The following CGAS variants were observed in gnomAD, a reference collection of about 807,000 sequenced individuals.
CGAS encodes 2'3'-cGAMP synthase.
In CGAS, 31 loss-of-function variants were observed where a neutral mutation model predicts 34.0. That is an observed-to-expected ratio of 0.91 (90% CI 0.69 to 1.23). CGAS has a LOEUF of 1.23. Among genes scored for constraint, CGAS ranks in the 50% most tolerant of loss-of-function variants. The pLI is 0.00. For synonymous variants in CGAS, 266 were observed against 260.0 expected (o/e 1.02, Z -0.22); for missense variants, 597 against 657.6 (o/e 0.91, Z 1.01).
rs1444930024 is a variant in CGAS at position 73,452,233 on chromosome 6, C to T, written c.-52G>A. The T allele has an allele frequency of 1.3e-6, 2 of 1,533,842 alleles. No individual in the cohort carries two copies. The highest frequency in any genetic ancestry group is 1.4e-5 in the African/African-American group (1 of 71,202). On this transcript the variant is annotated 5_prime_UTR_variant, in exon 1 of 5. Coordinates refer to ENST00000370315, the MANE Select transcript of CGAS (RefSeq NM_138441.3). ...AAGAATCCGTTTCAGGAAAAGGCCG[C>T]AAGAGGAAGAGCCAGCAGCAGCTGT...
chr6:73,452,243 A>G lies in CGAS; in HGVS notation c.-62T>C. 6.7e-7 allele frequency: 1 copy of G among 1,498,432 alleles called. No homozygotes were observed. The highest frequency in any genetic ancestry group is 8.9e-7 in the Non-Finnish European group (1 of 1,122,162). The allele number at this position is 1,498,432 out of a possible 1,614,324, so 92.8% of individuals were successfully genotyped here. ...TTCAGGAAAAGGCCGCAAGAGGAAGAGCCAGCAGCAGCTGTTGGAAACCAA... is the reference window on the plus strand; with the variant it reads ...TTCAGGAAAAGGCCGCAAGAGGAAGGGCCAGCAGCAGCTGTTGGAAACCAA... On this transcript the variant is annotated 5_prime_UTR_variant, in exon 1 of 5. Transcript: ENST00000370315.
At chr6:73,444,106 C>T (rs1341086791) in intron 2 of CGAS, among the ~76,000 whole-genome samples, 3 of 152,138 alleles carry the variant, frequency 2.0e-5, no homozygotes, top group Non-Finnish European at 4.4e-5. Flanking sequence ...TCTCCTGCCT[C>T]AGCCTCCCGA....
At chr6:73,439,010 T>C (rs1250751430) in intron 3 of CGAS, among the ~76,000 whole-genome samples, 1 of 152,182 alleles carries the variant, frequency 6.6e-6, no homozygotes, top group Non-Finnish European at 1.5e-5. Context: ...GATTCCTCTA[T>C]GTATGCAATA....
At chr6:73,443,405 GT>G (rs1367987819) in intron 2 of CGAS, among the ~76,000 whole-genome samples, 1 of 151,258 alleles carries the variant, frequency 6.6e-6, no homozygotes, top group South Asian at 2.1e-4. Context: ...CGCCCGGCTA[GT>G]TTTTTGTATT....
intron 4 of CGAS, among the ~76,000 whole-genome samples, chr6:73,426,329 T>TGAATG (rs1554237168): frequency 1.4e-5 from 2 of 146,064 alleles, no homozygotes; most frequent in African/African-American, 5.1e-5. Context: ...TAAAATGAAA[T>TGAATG]AAATGAAATG....
intron 1 of CGAS, among the ~76,000 whole-genome samples, chr6:73,451,022 GA>G (rs1293449974): frequency 1.5e-4 from 22 of 150,324 alleles, no homozygotes; most frequent in African/African-American, 5.1e-4. Context: ...AAAGAAAAAA[GA>G]AAAAAAAGAA....
chr6:73,452,278 G>A lies in CGAS; in HGVS notation c.-97C>T. On this transcript the variant is annotated 5_prime_UTR_variant, in exon 1 of 5. Transcript: ENST00000370315. ...AGCTGTTGGAAACCAAGCACTACTGGCGGGCACACAAGAGTCTGCGACCCG... is the reference window on the plus strand; with the variant it reads ...AGCTGTTGGAAACCAAGCACTACTGACGGGCACACAAGAGTCTGCGACCCG... 7.2e-7 allele frequency: 1 copy of A among 1,383,080 alleles called. No individual in the cohort carries two copies. The highest frequency in any genetic ancestry group is 9.5e-7 in the Non-Finnish European group (1 of 1,055,518). The allele number at this position is 1,383,080 out of a possible 1,614,324, so 85.7% of individuals were successfully genotyped here.
chr6:73,448,365 C>G (rs1430783056), intron 1 of CGAS, among the ~76,000 whole-genome samples: 1 of 152,102 alleles, frequency 6.6e-6, no homozygotes, highest in Non-Finnish European at 1.5e-5. Flanking sequence ...CCATTGTACT[C>G]CAGCCCAGGC....
chr6:73,442,104 C>A (rs569773650), intron 2 of CGAS, among the ~76,000 whole-genome samples: 7 of 152,202 alleles, frequency 4.6e-5, no homozygotes, highest in Admixed American at 3.9e-4. Context: ...AACTCTTGAG[C>A]TCAAATGATC....
chr6:73,444,979 G>A (rs1434148325), intron 2 of CGAS, among the ~76,000 whole-genome samples: 2 of 152,164 alleles, frequency 1.3e-5, no homozygotes, highest in Non-Finnish European at 2.9e-5. Flanking sequence ...ACATAGTTTG[G>A]TATATGAATT....
chr6:73,439,233 T>C (rs1414637350), intron 3 of CGAS, among the ~76,000 whole-genome samples: 1 of 151,934 alleles, frequency 6.6e-6, no homozygotes, highest in African/African-American at 2.4e-5. Context: ...TTTCTTTTTT[T>C]TTTTAGACTA....
chr6:73,451,128 C>T (rs1425281389), intron 1 of CGAS, among the ~76,000 whole-genome samples: 1 of 152,014 alleles, frequency 6.6e-6, no homozygotes, highest in Non-Finnish European at 1.5e-5. Flanking sequence ...AGGTCTTCCT[C>T]ATAGGAAAAA....
chr6:73,436,610 C>T (rs948905111), intron 3 of CGAS, among the ~76,000 whole-genome samples: 3 of 151,938 alleles, frequency 2.0e-5, no homozygotes, highest in Admixed American at 1.3e-4. Flanking sequence ...GCAGCCTCAA[C>T]CTCCAGGGCT....
At chr6:73,436,474 A>G (rs1268785154) in intron 3 of CGAS, among the ~76,000 whole-genome samples, 1 of 150,666 alleles carries the variant, frequency 6.6e-6, no homozygotes, top group African/African-American at 2.4e-5. Context: ...TTTATATTAT[A>G]TACTATATAC....
Position 73,445,766 on chromosome 6 carries a change from A to G in CGAS, c.658-19T>C. ...CAGAAATCTAAGAAACAGTAAAAAT[A>G]GTACTGAAATATTTGCTTATGAATA... On this transcript the variant is annotated intron_variant, in intron 1 of 4. Coordinates refer to ENST00000370315, the MANE Select transcript of CGAS (RefSeq NM_138441.3). 6.5e-7 allele frequency: 1 copy of G among 1,538,024 alleles called. No individual in the cohort carries two copies. The highest frequency in any genetic ancestry group is 8.8e-7 in the Non-Finnish European group (1 of 1,131,978).
rs750894003 is a variant in CGAS at position 73,451,777 on chromosome 6, C to A, written c.405G>T (p.Pro135=). 6.3e-6 allele frequency: 10 copies of A among 1,594,238 alleles called. No individual in the cohort carries two copies. The highest frequency in any genetic ancestry group is 2.3e-5 in the East Asian group (1 of 43,408). ...GGCTGGGCACGTCCCAGGGCCCGGG[C>A]GGAGGTCTTGGCTTCGTGGAGCAGC... ...GARCSTKPRP[P]PGPWDVPSPG... Residue 135 remains proline, a synonymous_variant, in exon 1 of 5, where the codon CCG becomes CCT. Transcript: ENST00000370315.
Position 73,428,608 on chromosome 6 carries a change from C to A in CGAS, c.1217+101G>T, listed in dbSNP as rs561428390. 51 of 1,100,390 alleles carry A rather than the reference C, an allele frequency of 4.6e-5. 1 individual carries two copies. In the Admixed American group the frequency reaches 1.1e-3, roughly 24 times the overall value. 68.2% of individuals were successfully genotyped at this position (1,100,390 alleles called of 1,614,324 possible). ...CTCAACCCAATCCTGCCCTGCCCCC[C>A]AGACCCAACCCAGCTCAGCTCTTCA... On this transcript the variant is annotated intron_variant, in intron 4 of 4. Coordinates refer to ENST00000370315, the MANE Select transcript of CGAS (RefSeq NM_138441.3).
At chr6:73,442,398 C>T (rs1770392911) in intron 2 of CGAS, among the ~76,000 whole-genome samples, 1 of 147,916 alleles carries the variant, frequency 6.8e-6, no homozygotes, top group Non-Finnish European at 1.5e-5. Flanking sequence ...TTCCTTCCAG[C>T]CCAAACTTTT....
chr6:73,445,779 T>C lies in CGAS; in HGVS notation c.658-32A>G, dbSNP rs1467450175. 7 of 1,474,032 alleles carry C rather than the reference T, an allele frequency of 4.7e-6. No homozygotes were observed. The South Asian group carries it at 7.4e-5, about 15-fold the overall frequency. 91.3% of individuals were successfully genotyped at this position (1,474,032 alleles called of 1,614,324 possible). Reference sequence around the variant, plus strand: ...AACAGTAAAAATAGTACTGAAATATTTGCTTATGAATATTTTCCAAGTGAC... The same window carrying C: ...AACAGTAAAAATAGTACTGAAATATCTGCTTATGAATATTTTCCAAGTGAC... On this transcript the variant is annotated intron_variant, in intron 1 of 4. Coordinates refer to ENST00000370315, the MANE Select transcript of CGAS (RefSeq NM_138441.3).
Sources: gnomAD v4.1 joint callset for allele counts (sites outside exome capture counted in the v4.1 genomes callset) on GRCh38, gnomAD v4.1.1 for gene constraint, MANE v1.5 for transcripts, NCBI Gene and HGNC (gene_info 2026-07-23, HGNC 2026-07-21) for gene names.